The following TUFM variants were observed in gnomAD, a reference collection of about 807,000 sequenced individuals.
TUFM encodes elongation factor Tu, mitochondrial.
Under a neutral mutation model 45.0 loss-of-function variants are expected in TUFM, and 23 were observed. That is an observed-to-expected ratio of 0.51 (90% CI 0.37 to 0.72). The LOEUF (loss-of-function observed/expected upper bound fraction) is 0.72, where lower values mean the gene tolerates loss of function less well. Ranked by LOEUF, TUFM falls within the 30% of genes least tolerant of loss-of-function variation. TUFM has a pLI of 0.00. For missense variants in TUFM, 490 were observed against 610.7 expected (o/e 0.80, Z 2.08); for synonymous variants, 243 against 252.9 (o/e 0.96, Z 0.37).
chr16:28,844,105 G>T lies in TUFM; in HGVS notation c.923-4C>A, dbSNP rs879238490. On this transcript the variant is annotated splice_region_variant and splice_polypyrimidine_tract_variant and intron_variant, in intron 7 of 9. Coordinates refer to ENST00000313511, the MANE Select transcript of TUFM (RefSeq NM_003321.5). This position sits in a 1 kb window ranked among gnomAD's most constrained non-coding sequence, Gnocchi z 5.8. ...CTCTTGTGGAACATCTCAATGCCTA[G>T]GACGGAAAGGGAAAAGGAGCAGGGA... is the stretch of plus-strand genomic sequence containing the variant. 1 of 1,614,180 alleles carries T rather than the reference G, an allele frequency of 6.2e-7. No homozygotes were observed. The highest frequency in any genetic ancestry group is 2.2e-5 in the East Asian group (1 of 44,880).
rs943105058 is a variant in TUFM at position 28,844,935 on chromosome 16, C to T, written c.519+16G>A. 40 of 1,614,054 alleles carry T rather than the reference C, an allele frequency of 2.5e-5. No homozygotes were observed. Among genetic ancestry groups the T allele is most frequent in the African/African-American group, 6.7e-5 (5 of 74,920 alleles). ...CCCACTCTTCCCTTTTGCATCCTTA[C>T]CCAGGCTCTGAGTACCTGTCTGGCC... is the stretch of plus-strand genomic sequence containing the variant. On this transcript the variant is annotated intron_variant, in intron 4 of 9. Transcript: ENST00000313511. The surrounding 1 kb of genome is among the most constrained non-coding windows in gnomAD (Gnocchi z 5.8).
In TUFM at chr16:28,843,035, G is replaced by A. The variant is rs753124586; in HGVS notation, c.1308C>T (p.Thr436=). Reference sequence around the variant, plus strand: ...TGGCCAGCGTGTTGGTGACTAGACCGGTGCCAATAGTCCGGTTGCCATCTC... The same window carrying A: ...TGGCCAGCGTGTTGGTGACTAGACCAGTGCCAATAGTCCGGTTGCCATCTC... ...TLRDGNRTIG[T]GLVTNTLAMT... The change falls in exon 10 of 10, where the codon ACC becomes ACT. Residue 436 remains threonine, a synonymous_variant. Coordinates refer to ENST00000313511, the MANE Select transcript of TUFM (RefSeq NM_003321.5). 1.1e-5 allele frequency: 18 copies of A among 1,614,078 alleles called. No individual in the cohort carries two copies. The highest frequency in any genetic ancestry group is 5.0e-5 in the Admixed American group (3 of 60,002).
In TUFM at chr16:28,844,796, C is replaced by T. The variant is rs1356585891; in HGVS notation, c.586G>A (p.Glu196Lys). The T allele has an allele frequency of 6.2e-7, 1 of 1,614,080 alleles. No individual in the cohort carries two copies. Among genetic ancestry groups the T allele is most frequent in the Non-Finnish European group, 8.5e-7 (1 of 1,180,042 alleles). ...TCCCGGATCTCCAGTTCCACCAGTT[C>T]CACCATCTCAGAGTCCTGGACAGCG... Reference protein sequence around the residue: ...ADAVQDSEMVELVELEIRELL... With the variant: ...ADAVQDSEMVKLVELEIRELL... Residue 196 changes from glutamate (E) to lysine (K), a missense_variant, in exon 5 of 10, where the codon GAA (glutamate) becomes AAA (lysine). Transcript: ENST00000313511. This position sits in a 1 kb window ranked among gnomAD's most constrained non-coding sequence, Gnocchi z 5.8.
chr16:28,843,356 T>TTCCTAAGG (rs758373953), intron 9 of TUFM, among the ~76,000 whole-genome samples: 1 of 152,178 alleles, frequency 6.6e-6, no homozygotes, highest in Non-Finnish European at 1.5e-5. Flanking sequence ...GTGATGAGTG[T>TTCCTAAGG]TCCTAAGGTA....
At position 28,844,172 on chromosome 16, in the gene TUFM, C is replaced by T. The variant is rs1961871996; in HGVS notation, c.922+58G>A. 2 of 1,613,544 alleles carry T rather than the reference C, an allele frequency of 1.2e-6. No individual in the cohort carries two copies. The highest frequency in any genetic ancestry group is 2.2e-5 in the East Asian group (1 of 44,880). On this transcript the variant is annotated intron_variant, in intron 7 of 9. Coordinates refer to ENST00000313511, the MANE Select transcript of TUFM (RefSeq NM_003321.5). The surrounding 1 kb of genome is among the most constrained non-coding windows in gnomAD (Gnocchi z 5.8). ...GAGACAGAGGGAAGGCACAAGGGAT[C>T]TGCCGGGGTAAGGCCACCCTTCAGC...
At chr16:28,845,529 G>A in intron 2 of TUFM, 49 bp from the exon 3 acceptor site, 1 of 1,612,372 alleles carries the variant, frequency 6.2e-7, no homozygotes, top group Non-Finnish European at 8.5e-7. Flanking sequence ...CAGTGCTAGA[G>A]GCAGAGCTTA....
In TUFM at chr16:28,843,140, G is replaced by C; in HGVS notation, c.1203C>G (p.Ala401=). 6.2e-7 allele frequency: 1 copy of C among 1,614,186 alleles called. No homozygotes were observed. ...TGAACTTCAGGTCCTCCCCGGGCAT[G>C]GCAAGCTCCTAGAGTAGGAAGAGAA... ...RIILPPEKEL[A]MPGEDLKFNL... Residue 401 remains alanine, a synonymous_variant, in exon 10 of 10, where the codon GCC becomes GCG. Coordinates refer to ENST00000313511, the MANE Select transcript of TUFM (RefSeq NM_003321.5).
chr16:28,843,825 G>A lies in TUFM; in HGVS notation c.1105C>T (p.Arg369Cys), dbSNP rs751081141. 22 of 1,614,064 alleles carry A rather than the reference G, an allele frequency of 1.4e-5. No individual in the cohort carries two copies. The highest frequency in any genetic ancestry group is 2.2e-5 in the East Asian group (1 of 44,896). Reference sequence around the variant, plus strand: ...AAGTGGGACACAAAGGGCTTGTGGCGGCCACCTTCCTCCTTGCTGAGGATG... The same window carrying A: ...AAGTGGGACACAAAGGGCTTGTGGCAGCCACCTTCCTCCTTGCTGAGGATG... Reference protein sequence around the residue: ...VYILSKEEGGRHKPFVSHFMP... With the variant: ...VYILSKEEGGCHKPFVSHFMP... Residue 369 changes from arginine (R) to cysteine (C), a missense_variant, in exon 9 of 10, where the codon CGC becomes TGC. By Grantham distance (180) the Arg-to-Cys change is radical. Coordinates refer to ENST00000313511, the MANE Select transcript of TUFM (RefSeq NM_003321.5).
rs769966138 is a variant in TUFM at position 28,843,120 on chromosome 16, T to A, written c.1223A>T (p.Lys408Met). The A allele has an allele frequency of 3.7e-6, 6 of 1,614,088 alleles. No homozygotes were observed. The highest frequency in any genetic ancestry group is 5.1e-6 in the Non-Finnish European group (6 of 1,180,054). The change falls in exon 10 of 10, where the codon AAG becomes ATG. Residue 408 changes from lysine to methionine, a missense_variant. Coordinates refer to ENST00000313511, the MANE Select transcript of TUFM (RefSeq NM_003321.5). ...KELAMPGEDL[K>M]FNLILRQPMI... ...TGGCTGCCGCAAGATTAGGTTGAACTTCAGGTCCTCCCCGGGCATGGCAAG... is the reference window on the plus strand; with the variant it reads ...TGGCTGCCGCAAGATTAGGTTGAACATCAGGTCCTCCCCGGGCATGGCAAG...
chr16:28,842,857 C>A lies in TUFM; in HGVS notation c.*118G>T. On this transcript the variant is annotated 3_prime_UTR_variant, in exon 10 of 10. Transcript: ENST00000313511. ...AACCCTTCCGAGCAGGGGAAATGTC[C>A]ATCTAGCTGCCCTCTGCTGGGTTGC... 1 of 1,342,426 alleles carries A rather than the reference C, an allele frequency of 7.4e-7. No homozygotes were observed. The highest frequency in any genetic ancestry group is 1.2e-5 in the South Asian group (1 of 84,788). The allele number at this position is 1,342,426 out of a possible 1,614,324, so 83.2% of individuals were successfully genotyped here.
In TUFM at chr16:28,842,897, G is replaced by C; in HGVS notation, c.*78C>G. ...TGCTGGGTTGCAGCCTATGCCATGA[G>C]AGGGTACTGGAAGCAGGAGGGAGCC... On this transcript the variant is annotated 3_prime_UTR_variant, in exon 10 of 10. Transcript: ENST00000313511. 1 of 1,574,468 alleles carries C rather than the reference G, an allele frequency of 6.4e-7. No individual in the cohort carries two copies. Among genetic ancestry groups the C allele is most frequent in the African/African-American group, 1.3e-5 (1 of 74,128 alleles).
rs765282788 is a variant in TUFM, at chr16:28,844,310, G to C, written c.842C>G (p.Thr281Arg). 1 of 1,614,170 alleles carries C rather than the reference G, an allele frequency of 6.2e-7. No homozygotes were observed. Residue 281 changes from threonine (T) to arginine (R), a missense_variant, in exon 7 of 10, where the codon ACA becomes AGA. Thr to Arg is a moderately conservative substitution (Grantham distance 71). Transcript: ENST00000313511. The surrounding 1 kb of genome is among the most constrained non-coding windows in gnomAD (Gnocchi z 5.8). ...CTTCTTTAAAATGCCACGCTCTAGT[G>C]TACCTGTCACCACGGTGCCACGGCC... Reference protein sequence around the residue: ...VPGRGTVVTGTLERGILKKGD... With the variant: ...VPGRGTVVTGRLERGILKKGD...
chr16:28,844,632 C>A lies in TUFM; in HGVS notation c.684+66G>T. 1 of 1,613,844 alleles carries A rather than the reference C, an allele frequency of 6.2e-7. No homozygotes were observed. The highest frequency in any genetic ancestry group is 8.5e-7 in the Non-Finnish European group (1 of 1,180,008). On this transcript the variant is annotated intron_variant, in intron 5 of 9. Transcript: ENST00000313511. The surrounding 1 kb of genome is among the most constrained non-coding windows in gnomAD (Gnocchi z 5.8). ...CAAGAGCCACTTCCCAGACACAAAG[C>A]AGAGCTCTGGGTGCCCATCCAGCCC...
Position 28,844,551 on chromosome 16 carries a change from C to A in TUFM, c.685G>T (p.Gly229Cys). The A allele has an allele frequency of 6.2e-7, 1 of 1,613,628 alleles. No homozygotes were observed. Among genetic ancestry groups the A allele is most frequent in the East Asian group, 2.2e-5 (1 of 44,878 alleles). ...IVGSALCALE[G>C]RDPELGLKSV... ...TTCAGGCCTAACTCAGGGTCCCGAC[C>A]CTGTTGAGGGGAAGTGCCAGGACTC... Residue 229 changes from glycine to cysteine, a missense_variant and splice_region_variant, in exon 6 of 10, where the codon GGT becomes TGT. Transcript: ENST00000313511. The surrounding 1 kb of genome is among the most constrained non-coding windows in gnomAD (Gnocchi z 5.8).
In TUFM at chr16:28,842,748, T is replaced by C. The variant is rs1253104639; in HGVS notation, c.*227A>G. 7 of 611,596 alleles carry C rather than the reference T, an allele frequency of 1.1e-5. No individual in the cohort carries two copies. Among genetic ancestry groups the C allele is most frequent in the East Asian group, 2.9e-5 (1 of 34,260 alleles). 37.9% of individuals were successfully genotyped at this position (611,596 alleles called of 1,614,324 possible). Reference sequence around the variant, plus strand: ...GTTCAACACCCTTTTTGTCCTCCCCTATCCTCTCCAATTTGCACAAAGGAC... The same window carrying C: ...GTTCAACACCCTTTTTGTCCTCCCCCATCCTCTCCAATTTGCACAAAGGAC... On this transcript the variant is annotated 3_prime_UTR_variant, in exon 10 of 10. Coordinates refer to ENST00000313511, the MANE Select transcript of TUFM (RefSeq NM_003321.5).
At chr16:28,845,135 G>C in intron 3 of TUFM, 80 bp from the exon 4 acceptor site, 1 of 1,580,738 alleles carries the variant, frequency 6.3e-7, no homozygotes, top group South Asian at 1.1e-5. Flanking sequence ...GTAGCAGTTA[G>C]AAACTCAGGC....
In TUFM at chr16:28,844,242, T is replaced by C. The variant is rs757263225; in HGVS notation, c.910A>G (p.Thr304Ala). 2 of 1,614,142 alleles carry C rather than the reference T, an allele frequency of 1.2e-6. No individual in the cohort carries two copies. The highest frequency in any genetic ancestry group is 2.2e-5 in the East Asian group (1 of 44,872). ...TGGCTTCCCAAACCTGTCACCACAGTGCGGATGTTCTTGCTATGTCCTAGG... is the reference window on the plus strand; with the variant it reads ...TGGCTTCCCAAACCTGTCACCACAGCGCGGATGTTCTTGCTATGTCCTAGG... ...ELLGHSKNIR[T>A]VVTGIEMFHK... Residue 304 changes from threonine (T) to alanine (A), a missense_variant, in exon 7 of 10, where the codon ACT becomes GCT. Physicochemically the swap from Thr to Ala is moderately conservative, Grantham distance 58. Transcript: ENST00000313511. The surrounding 1 kb of genome is among the most constrained non-coding windows in gnomAD (Gnocchi z 5.8).
rs772235739 is a variant in TUFM at position 28,844,769 on chromosome 16, G to A, written c.613C>T (p.Leu205=). The change falls in exon 5 of 10, where the codon CTG becomes TTG. Residue 205 remains leucine, a synonymous_variant. Transcript: ENST00000313511. The surrounding 1 kb of genome is among the most constrained non-coding windows in gnomAD (Gnocchi z 5.8). ...CCTTTATAGCCAAACTCGGTGAGCA[G>A]CTCCCGGATCTCCAGTTCCACCAGT... ...VELVELEIRE[L]LTEFGYKGEE... 5 of 1,614,182 alleles carry A rather than the reference G, an allele frequency of 3.1e-6. No individual in the cohort carries two copies. The South Asian group carries it at 4.4e-5, about 14-fold the overall frequency.
rs1396667236 is a variant in TUFM at position 28,845,436 on chromosome 16, TCTC to T, written c.289_291del (p.Glu97del). 3 of 1,613,890 alleles carry T rather than the reference TCTC, an allele frequency of 1.9e-6. No individual in the cohort carries two copies. Among genetic ancestry groups the T allele is most frequent in the Non-Finnish European group, 2.5e-6 (3 of 1,180,010 alleles). ...GCTCGCTCCTCCGGGGCATTGTCAA[TCTC>T]CTCGTACTTCTTGAACTTAGCCCCA... On this transcript the variant is annotated inframe_deletion, in exon 3 of 10. Coordinates refer to ENST00000313511, the MANE Select transcript of TUFM (RefSeq NM_003321.5).
Sources: gnomAD v4.1 joint callset for allele counts (sites outside exome capture counted in the v4.1 genomes callset) on GRCh38, gnomAD v4.1.1 for gene constraint, Gnocchi (gnomAD v3.1) non-coding constraint, MANE v1.5 for transcripts, NCBI Gene and HGNC (gene_info 2026-07-23, HGNC 2026-07-21) for gene names.